The following FRMD3 variants were observed in gnomAD, a reference collection of about 807,000 sequenced individuals.
FRMD3 encodes FERM domain-containing protein 3.
Under a neutral mutation model 70.2 loss-of-function variants are expected in FRMD3, and 33 were observed. That is an observed-to-expected ratio of 0.47 (90% CI 0.36 to 0.63). The LOEUF (loss-of-function observed/expected upper bound fraction) is 0.63. Ranked by LOEUF, FRMD3 falls within the 20% of genes least tolerant of loss-of-function variation. FRMD3 has a pLI of 0.00. For missense variants in FRMD3, 632 were observed against 711.4 expected (o/e 0.89, Z 1.27); for synonymous variants, 279 against 255.9 (o/e 1.09, Z -0.86).
At chr9:83,575,269 G>A in the FRMD3 span, among the ~76,000 whole-genome samples, 1 of 152,236 alleles carries the variant, frequency 6.6e-6, no homozygotes. Flanking sequence ...TTTCGATAAT[G>A]AACTAGAACG....
chr9:83,428,854 A>C (rs996813425), intron 1 of FRMD3, among the ~76,000 whole-genome samples: 3 of 152,122 alleles, frequency 2.0e-5, no homozygotes, highest in African/African-American at 7.2e-5. Context: ...CCAATAATGT[A>C]TGTTTTACTC....
intron 3 of FRMD3, among the ~76,000 whole-genome samples, chr9:83,360,977 G>T (rs1398678796): frequency 6.6e-6 from 1 of 152,186 alleles, no homozygotes; most frequent in Non-Finnish European, 1.5e-5. Flanking sequence ...TTGATGAACA[G>T]TTGAACTTGG....
At chr9:83,268,463 ATTT>A (rs895912401) in intron 13 of FRMD3, among the ~76,000 whole-genome samples, 1 of 152,258 alleles carries the variant, frequency 6.6e-6, no homozygotes, top group African/African-American at 2.4e-5. Flanking sequence ...TCAGAGTATC[ATTT>A]ATTATAGCCA....
chr9:83,366,666 C>A (rs1824796830), intron 3 of FRMD3, among the ~76,000 whole-genome samples: 1 of 152,182 alleles, frequency 6.6e-6, no homozygotes, highest in Non-Finnish European at 1.5e-5. Flanking sequence ...AAGAAAATCA[C>A]AAGCAAGTTG....
At chr9:83,525,114 C>T (rs1564116592) in intron 1 of FRMD3, among the ~76,000 whole-genome samples, 1 of 152,024 alleles carries the variant, frequency 6.6e-6, no homozygotes. Flanking sequence ...TCTCAGTTTA[C>T]GTGTAAAGAC....
At chr9:83,523,153 AGGATGGAT>A (rs144992070) in intron 1 of FRMD3, among the ~76,000 whole-genome samples, 6,922 of 149,670 alleles carry the variant, frequency 0.046, 229 homozygotes, top group South Asian at 0.1. Context: ...GAATGGATGG[AGGATGGAT>A]GGATGGATGG....
chr9:83,322,133 T>C (rs1835825283), intron 6 of FRMD3, among the ~76,000 whole-genome samples: 1 of 152,074 alleles, frequency 6.6e-6, no homozygotes, highest in South Asian at 2.1e-4. Context: ...GCAGGAAGTA[T>C]GGACAAGAAG....
chr9:83,420,699 T>A (rs1362518771), intron 1 of FRMD3, among the ~76,000 whole-genome samples: 1 of 152,154 alleles, frequency 6.6e-6, no homozygotes, highest in Non-Finnish European at 1.5e-5. Context: ...TGGGGATAGA[T>A]CCCTTGTAAA....
intron 5 of FRMD3, among the ~76,000 whole-genome samples, chr9:83,337,332 T>C (rs1417856222): frequency 6.6e-6 from 1 of 152,184 alleles, no homozygotes; most frequent in Admixed American, 6.5e-5. Flanking sequence ...TCCAAATTTA[T>C]GTACTTCATG....
At chr9:83,476,421 A>C (rs980703170) in intron 1 of FRMD3, among the ~76,000 whole-genome samples, 2 of 151,570 alleles carry the variant, frequency 1.3e-5, no homozygotes, top group Non-Finnish European at 2.9e-5. Context: ...ATTTTGCCTC[A>C]CTGGCTTAAA....
intron 13 of FRMD3, among the ~76,000 whole-genome samples, chr9:83,282,678 CTG>C (rs977849751): frequency 3.4e-4 from 51 of 152,130 alleles, no homozygotes; most frequent in African/African-American, 1.2e-3. Context: ...ATAGTCTTGT[CTG>C]TGGTCACCTG....
intron 1 of FRMD3, among the ~76,000 whole-genome samples, chr9:83,411,729 A>G (rs1023585832): frequency 2.0e-5 from 3 of 152,198 alleles, no homozygotes; most frequent in Non-Finnish European, 4.4e-5. Flanking sequence ...ACTATTATAT[A>G]TTATTTCATC....
intron 1 of FRMD3, among the ~76,000 whole-genome samples, chr9:83,430,198 A>G (rs1826931260): frequency 6.6e-6 from 1 of 152,106 alleles, no homozygotes. Context: ...CTGCTCCTGT[A>G]TCTCTTCCCT....
Position 83,335,583 on chromosome 9 carries a change from C to G in FRMD3, c.529G>C (p.Glu177Gln). Residue 177 changes from glutamate to glutamine, a missense_variant, in exon 6 of 14, where the codon GAG becomes CAG. Physicochemically the swap from Glu to Gln is conservative, Grantham distance 29. This residue lies in a region of FRMD3 where 208 missense variants were observed against 247.7 expected (regional missense o/e 0.84). Coordinates refer to ENST00000304195, the MANE Select transcript of FRMD3 (RefSeq NM_174938.6). The part of the protein sequence containing the change: ...EHPENYISEF[E>Q]IFPKQSQKLE... ...TTCTGTGACTGCTTGGGGAAAATCT[C>G]AAACTCACTGATGTAATTCTCAGGA... 6.2e-7 allele frequency: 1 copy of G among 1,613,280 alleles called. No individual in the cohort carries two copies. The highest frequency in any genetic ancestry group is 1.1e-5 in the South Asian group (1 of 91,018).
chr9:83,270,765 C>T (rs1172535185), intron 13 of FRMD3, among the ~76,000 whole-genome samples: 1 of 152,002 alleles, frequency 6.6e-6, no homozygotes, highest in African/African-American at 2.4e-5. Flanking sequence ...CAAGTTAATA[C>T]ACATGGCATT....
At chr9:83,405,233 C>G (rs950595991) in intron 1 of FRMD3, among the ~76,000 whole-genome samples, 1 of 152,150 alleles carries the variant, frequency 6.6e-6, no homozygotes, top group Non-Finnish European at 1.5e-5. Context: ...CTCTGGGCCT[C>G]CCAGTGCCCA....
chr9:83,545,517 C>T, the FRMD3 span, among the ~76,000 whole-genome samples: 1 of 151,874 alleles, frequency 6.6e-6, no homozygotes, highest in South Asian at 2.1e-4. Flanking sequence ...ACCACCACAC[C>T]CAGCTAATTT....
chr9:83,525,769 A>G (rs1204931351), intron 1 of FRMD3, among the ~76,000 whole-genome samples: 3 of 152,224 alleles, frequency 2.0e-5, no homozygotes, highest in African/African-American at 7.2e-5. Flanking sequence ...CCCCATTTGT[A>G]GAAGAAAATA....
At chr9:83,346,580 T>A (rs963231908) in intron 4 of FRMD3, among the ~76,000 whole-genome samples, 5 of 152,164 alleles carry the variant, frequency 3.3e-5, no homozygotes, top group African/African-American at 1.2e-4. Context: ...GTGCAAAATT[T>A]CCTACTGGGG....
Sources: allele counts gnomAD v4.1 joint callset (sites outside exome capture counted in the v4.1 genomes callset), GRCh38; gene constraint gnomAD v4.1.1; regional missense constraint gnomAD v4.1.1; transcripts MANE v1.5; gene names NCBI Gene and HGNC (gene_info 2026-07-23, HGNC 2026-07-21).